CABLES1: variants seen among roughly 807,000 people sequenced by gnomAD.
CABLES1 encodes Cdk5 and Abl enzyme substrate 1, also known as CDK5 and ABL1 enzyme substrate 1.
Under a neutral mutation model 57.8 loss-of-function variants are expected in CABLES1, and 36 were observed. The observed-to-expected ratio is 0.62, with a 90% CI of 0.48 to 0.82. CABLES1 has a LOEUF of 0.82. CABLES1 is among the 40% of genes least tolerant of loss of function. The pLI, the probability that CABLES1 is intolerant of heterozygous loss-of-function variation, is 0.00. For synonymous variants in CABLES1, 374 were observed against 363.0 expected (o/e 1.03, Z -0.35); for missense variants, 767 against 836.6 (o/e 0.92, Z 1.03).
intron 5 of CABLES1, 105 bp from the exon 6 acceptor site, chr18:23,235,790 G>A: frequency 8.8e-7 from 1 of 1,137,936 alleles, no homozygotes; most frequent in South Asian, 1.5e-5. Flanking sequence ...TTGCAAATAG[G>A]AGAAAGTGGA....
intron 4 of CABLES1, among the ~76,000 whole-genome samples, chr18:23,227,710 C>T (rs559845846): frequency 1.3e-5 from 2 of 152,236 alleles, no homozygotes; most frequent in African/African-American, 4.8e-5. Flanking sequence ...AGACTTGTGT[C>T]GTCGACTTCC....
At chr18:23,198,015 T>A (rs1353425539) in intron 3 of CABLES1, 2 of 152,100 alleles carry the variant, frequency 1.3e-5, no homozygotes. Context: ...CCGATAACTT[T>A]GGGAGGCTGA....
chr18:23,215,956 A>G (rs866556475), intron 4 of CABLES1, among the ~76,000 whole-genome samples: 1 of 152,026 alleles, frequency 6.6e-6, no homozygotes, highest in Non-Finnish European at 1.5e-5. Flanking sequence ...GGGTTTCACC[A>G]TGTTAGCCAG....
At chr18:23,135,224 C>G (rs1288987304), upstream of CABLES1, among the ~76,000 whole-genome samples, 1 of 152,132 alleles carries the variant, frequency 6.6e-6, no homozygotes, top group Non-Finnish European at 1.5e-5. Context: ...GAGTCGCCAA[C>G]TCTCCCAGCA....
chr18:23,243,496 TTTG>T (rs1458758318), intron 7 of CABLES1, among the ~76,000 whole-genome samples: 7 of 151,100 alleles, frequency 4.6e-5, no homozygotes, highest in Non-Finnish European at 1.0e-4. Flanking sequence ...TTTTGGTCTT[TTTG>T]TTGTTGTTAA....
chr18:23,191,641 C>T (rs2047243624), intron 2 of CABLES1, among the ~76,000 whole-genome samples: 1 of 152,150 alleles, frequency 6.6e-6, no homozygotes, highest in Admixed American at 6.5e-5. Flanking sequence ...TAAGTATATC[C>T]TGTAATCAGT....
chr18:23,257,015 G>C, intron 9 of CABLES1: 5 of 572,672 alleles, frequency 8.7e-6, no homozygotes, highest in Non-Finnish European at 3.0e-6. Flanking sequence ...GTGTGGTTCC[G>C]GGCAGCCCCT....
Position 23,257,289 on chromosome 18 carries a change from A to G in CABLES1, c.1824A>G (p.Leu608=). 1 of 1,613,854 alleles carries G rather than the reference A, an allele frequency of 6.2e-7. No individual in the cohort carries two copies. Among genetic ancestry groups the G allele is most frequent in the Non-Finnish European group, 8.5e-7 (1 of 1,179,958 alleles). ...RELIAFEFPV[L]VALEFALHLP... is the part of the protein sequence containing the mutation. ...TGATTGCCTTTGAATTCCCGGTGTT[A>G]GTGGCCTTGGAATTCGCCCTCCACT... Residue 608 remains leucine (L), a synonymous_variant, in exon 10 of 10, where the codon TTA becomes TTG. Transcript: ENST00000256925.
intron 3 of CABLES1, among the ~76,000 whole-genome samples, chr18:23,206,839 G>T (rs1400839547): frequency 6.8e-6 from 1 of 146,756 alleles, no homozygotes; most frequent in Non-Finnish European, 1.5e-5. Flanking sequence ...TTTTGCGACG[G>T]GGTCTTGCTC....
chr18:23,213,155 C>T (rs1428935972), intron 3 of CABLES1, among the ~76,000 whole-genome samples: 1 of 152,126 alleles, frequency 6.6e-6, no homozygotes, highest in Non-Finnish European at 1.5e-5. Flanking sequence ...AGTAGTAGAA[C>T]CATTTTCCCT....
intron 1 of CABLES1, among the ~76,000 whole-genome samples, chr18:23,137,111 A>C (rs1436047353): frequency 2.0e-5 from 3 of 152,214 alleles, no homozygotes; most frequent in Non-Finnish European, 4.4e-5. Context: ...CGGCCCGGGG[A>C]AACTTGGCTT....
intron 1 of CABLES1, among the ~76,000 whole-genome samples, chr18:23,152,432 G>A (rs139088278): frequency 1.3e-3 from 201 of 152,042 alleles, no homozygotes; most frequent in African/African-American, 4.6e-3. Flanking sequence ...CTCCCAAGGT[G>A]GAGAATGATA....
intron 3 of CABLES1, among the ~76,000 whole-genome samples, chr18:23,205,760 G>A (rs539908184): frequency 2.0e-5 from 3 of 152,174 alleles, no homozygotes; most frequent in Non-Finnish European, 4.4e-5. Flanking sequence ...CTGGATGGCC[G>A]AGGCAGGAGG....
chr18:23,213,874 C>CTTAAT (rs2047422268), intron 3 of CABLES1, 103 bp from the exon 4 acceptor site: 2 of 720,828 alleles, frequency 2.8e-6, no homozygotes, highest in Admixed American at 5.1e-5. Flanking sequence ...CGTGCAAATA[C>CTTAAT]TGCTATGAAT....
intron 1 of CABLES1, among the ~76,000 whole-genome samples, chr18:23,170,062 T>C (rs2047071545): frequency 6.6e-6 from 1 of 152,094 alleles, no homozygotes. Context: ...CAGACTGCTG[T>C]CCTTCTAAGA....
chr18:23,245,369 G>C (rs1488046313), intron 7 of CABLES1, among the ~76,000 whole-genome samples: 1 of 152,086 alleles, frequency 6.6e-6, no homozygotes, highest in African/African-American at 2.4e-5. Context: ...AAAATAGCCA[G>C]GCGTGGTGGC....
chr18:23,142,798 T>C (rs2046866007), intron 1 of CABLES1, among the ~76,000 whole-genome samples: 1 of 151,562 alleles, frequency 6.6e-6, no homozygotes, highest in Non-Finnish European at 1.5e-5. Context: ...TTGTTTGAAC[T>C]CCCCCCACCT....
intron 1 of CABLES1, among the ~76,000 whole-genome samples, chr18:23,163,747 C>T (rs2047021414): frequency 6.6e-6 from 1 of 152,134 alleles, no homozygotes. Flanking sequence ...GGTCATTTAA[C>T]ACCAGGAAGA....
intron 9 of CABLES1, 139 bp from the exon 10 acceptor site, chr18:23,257,088 T>C: frequency 1.1e-6 from 1 of 942,052 alleles, no homozygotes; most frequent in Non-Finnish European, 1.6e-6. Context: ...TGTGCCTCCC[T>C]TTCTTCCTCC....
Sources: allele counts gnomAD v4.1 joint callset (sites outside exome capture counted in the v4.1 genomes callset), GRCh38; gene constraint gnomAD v4.1.1; transcripts MANE v1.5; gene names NCBI Gene and HGNC (gene_info 2026-07-23, HGNC 2026-07-21).